The following VTI1A variants were observed in gnomAD, a reference collection of about 807,000 sequenced individuals.
The protein encoded by VTI1A is vesicle transport through interaction with t-SNAREs homolog 1A.
A neutral mutation model predicts 34.9 loss-of-function variants in VTI1A; 22 were observed. The observed-to-expected ratio is 0.63, with a 90% CI of 0.45 to 0.90. The LOEUF is 0.90. VTI1A is among the 40% of genes least tolerant of loss of function. The pLI is 0.00. For missense variants in VTI1A, 268 were observed against 275.6 expected, an observed-to-expected ratio of 0.97 and a Z score of 0.20; for synonymous variants, 87 against 97.3, an observed-to-expected ratio of 0.89 and a Z score of 0.62.
At chr10:112,492,701 C>A (rs1271867988) in intron 3 of VTI1A, among the ~76,000 whole-genome samples, 2 of 151,406 alleles carry the variant, frequency 1.3e-5, no homozygotes, top group African/African-American at 4.9e-5. Context: ...CTAGGAGAAT[C>A]GCTTGAACCT....
chr10:112,608,504 A>G (rs1845173292), intron 5 of VTI1A, among the ~76,000 whole-genome samples: 1 of 152,192 alleles, frequency 6.6e-6, no homozygotes, highest in African/African-American at 2.4e-5. Flanking sequence ...AGTCATTGAA[A>G]TGACCACTTA....
At chr10:112,505,227 G>C (rs552800977) in intron 3 of VTI1A, among the ~76,000 whole-genome samples, 2 of 152,158 alleles carry the variant, frequency 1.3e-5, no homozygotes, top group East Asian at 3.9e-4. Flanking sequence ...AAAAAATTAA[G>C]TTTAATCCTG....
chr10:112,647,890 C>G (rs1202164043), intron 5 of VTI1A, among the ~76,000 whole-genome samples: 1 of 152,194 alleles, frequency 6.6e-6, no homozygotes, highest in African/African-American at 2.4e-5. Context: ...CTGCCTTAGC[C>G]TCCTAAGTAG....
chr10:112,518,422 A>G (rs10082356), intron 3 of VTI1A, among the ~76,000 whole-genome samples: 20,227 of 151,478 alleles, frequency 0.13, 1,609 homozygotes, highest in East Asian at 0.28. Flanking sequence ...GTAGAATGAA[A>G]TAACTGCCAG....
intron 5 of VTI1A, among the ~76,000 whole-genome samples, chr10:112,627,514 A>G (rs1036332816): frequency 6.6e-6 from 1 of 152,134 alleles, no homozygotes; most frequent in Admixed American, 6.5e-5. Flanking sequence ...CTACCCATCT[A>G]TCTCTCCCAC....
chr10:112,537,041 A>G (rs1850653741), intron 4 of VTI1A, among the ~76,000 whole-genome samples: 2 of 151,964 alleles, frequency 1.3e-5, no homozygotes, highest in Admixed American at 6.6e-5. Context: ...CATTAGAGCA[A>G]GGTAGATCGT....
chr10:112,486,580 C>CT (rs1848635348), intron 3 of VTI1A, among the ~76,000 whole-genome samples: 1 of 142,796 alleles, frequency 7.0e-6, no homozygotes, highest in Non-Finnish European at 1.5e-5. Flanking sequence ...GTTTTCGACA[C>CT]TGTTAAATCC....
Position 112,767,384 on chromosome 10 carries a change from C to T in VTI1A, c.561-47906C>T, listed in dbSNP as rs1352244713. Among the ~76,000 whole-genome samples the T allele has an allele frequency of 2.0e-5, 3 of 152,116 alleles. No homozygotes were observed. Among genetic ancestry groups the T allele is most frequent in the Non-Finnish European group, 2.9e-5 (2 of 68,034 alleles). On this transcript the variant is annotated intron_variant, in intron 7 of 7. Transcript: ENST00000393077. This position sits in a 1 kb window ranked among gnomAD's most constrained non-coding sequence, Gnocchi z 4.0. ...CTTAATCATTTGTTTATTTTGCTTC[C>T]CCAAGTCCCTTCTTCACCTGGAGGC...
chr10:112,739,923 CA>C (rs1419320580), intron 7 of VTI1A, among the ~76,000 whole-genome samples: 2 of 152,204 alleles, frequency 1.3e-5, no homozygotes, highest in Non-Finnish European at 2.9e-5. Flanking sequence ...ATTGGCTCTT[CA>C]GAAGCAAAAT....
At chr10:112,596,078 T>C (rs529450060) in intron 5 of VTI1A, among the ~76,000 whole-genome samples, 11,965 of 147,046 alleles carry the variant, frequency 0.081, 551 homozygotes, top group Non-Finnish European at 0.095. Flanking sequence ...AACCAAACAC[T>C]GCATTTTCTC....
chr10:112,682,936 C>T (rs759877394), intron 7 of VTI1A, among the ~76,000 whole-genome samples: 4 of 152,216 alleles, frequency 2.6e-5, no homozygotes, highest in Non-Finnish European at 5.9e-5. Flanking sequence ...TTCTTTCACA[C>T]ACATAAAAAG....
intron 7 of VTI1A, among the ~76,000 whole-genome samples, chr10:112,697,501 A>G (rs1159749924): frequency 6.6e-6 from 1 of 151,050 alleles, no homozygotes; most frequent in Non-Finnish European, 1.5e-5. Context: ...GGTTCAAGCA[A>G]TTCTCCTGCC....
At chr10:112,566,730 C>T (rs1320902240) in intron 5 of VTI1A, among the ~76,000 whole-genome samples, 2 of 152,118 alleles carry the variant, frequency 1.3e-5, no homozygotes, top group East Asian at 3.9e-4. Context: ...GAATGGGACT[C>T]TGCTTGGATT....
At chr10:112,490,046 G>A (rs925277890) in intron 3 of VTI1A, among the ~76,000 whole-genome samples, 1 of 152,156 alleles carries the variant, frequency 6.6e-6, no homozygotes, top group Non-Finnish European at 1.5e-5. Flanking sequence ...AAACTTACCT[G>A]ATATATTTTT....
At chr10:112,641,233 C>T (rs1479847911) in intron 5 of VTI1A, among the ~76,000 whole-genome samples, 2 of 152,096 alleles carry the variant, frequency 1.3e-5, no homozygotes, top group Non-Finnish European at 2.9e-5. Context: ...GTTCGAAAGC[C>T]TTTGCAACTC....
At chr10:112,810,641 G>C (rs1230711490) in intron 7 of VTI1A, among the ~76,000 whole-genome samples, 1 of 152,142 alleles carries the variant, frequency 6.6e-6, no homozygotes, top group Non-Finnish European at 1.5e-5. Flanking sequence ...CCTGCTCCTG[G>C]TCCAGTTACC....
At chr10:112,573,066 AG>A (rs1012041115) in intron 5 of VTI1A, among the ~76,000 whole-genome samples, 2 of 151,982 alleles carry the variant, frequency 1.3e-5, no homozygotes, top group African/African-American at 4.8e-5. Flanking sequence ...AGGTTTATTC[AG>A]GGGTGACAGA....
chr10:112,756,709 G>C (rs754355303), intron 7 of VTI1A, among the ~76,000 whole-genome samples: 1 of 152,054 alleles, frequency 6.6e-6, no homozygotes, highest in Non-Finnish European at 1.5e-5. Context: ...TAGGCCAATA[G>C]AGATATCCAG....
chr10:112,847,007 T>C, the VTI1A span, among the ~76,000 whole-genome samples: 1 of 152,154 alleles, frequency 6.6e-6, no homozygotes, highest in Non-Finnish European at 1.5e-5. Context: ...AACTGTAAGA[T>C]AATAAGCCTG....
Sources: gnomAD v4.1 joint callset for allele counts (sites outside exome capture counted in the v4.1 genomes callset) on GRCh38, gnomAD v4.1.1 for gene constraint, Gnocchi (gnomAD v3.1) non-coding constraint, MANE v1.5 for transcripts, NCBI Gene and HGNC (gene_info 2026-07-23, HGNC 2026-07-21) for gene names.